The following PDLIM5 variants were observed in gnomAD, a reference collection of about 807,000 sequenced individuals.
PDLIM5 encodes the protein PDZ and LIM domain 5.
In PDLIM5, 34 loss-of-function variants were observed where a neutral mutation model predicts 64.2. The observed-to-expected ratio is 0.53, with a 90% confidence interval of 0.40 to 0.71. The LOEUF (loss-of-function observed/expected upper bound fraction) is 0.71. Among genes scored for constraint, PDLIM5 ranks in the 30% least tolerant of loss-of-function variants. PDLIM5 has a pLI of 0.00. For missense variants in PDLIM5, 683 were observed against 733.6 expected (o/e 0.93, Z 0.80); for synonymous variants, 253 against 269.1 (o/e 0.94, Z 0.59).
In PDLIM5 at chr4:94,666,738, A is replaced by G. The variant is rs1348986744; in HGVS notation, c.*2671A>G. 2 of 152,204 alleles carry G rather than the reference A, an allele frequency of 1.3e-5. No homozygotes were observed. Among genetic ancestry groups the G allele is most frequent in the African/African-American group, 4.8e-5 (2 of 41,444 alleles). 9.4% of individuals were successfully genotyped at this position (152,204 alleles called of 1,614,324 possible). A position where few individuals can be genotyped will look rare whatever the true frequency, so the allele number is the denominator to read the frequency against. ...CATTTTCATCAGACCTTCTTTCTAC[A>G]TATTATTCATGAAGCATAATGTTGC... On this transcript the variant is annotated 3_prime_UTR_variant, in exon 13 of 13. Coordinates refer to ENST00000317968, the MANE Select transcript of PDLIM5 (RefSeq NM_006457.5).
At chr4:94,513,367 G>C (rs1257501786) in intron 2 of PDLIM5, among the ~76,000 whole-genome samples, 1 of 152,278 alleles carries the variant, frequency 6.6e-6, no homozygotes, top group African/African-American at 2.4e-5. Flanking sequence ...CCATGAACAT[G>C]GAATATCTTT....
chr4:94,458,326 C>T (rs1413922354), intron 2 of PDLIM5, among the ~76,000 whole-genome samples: 2 of 152,212 alleles, frequency 1.3e-5, no homozygotes, highest in East Asian at 3.9e-4. Flanking sequence ...TAATGATTCA[C>T]TTACTTTAAT....
intron 6 of PDLIM5, among the ~76,000 whole-genome samples, chr4:94,585,980 G>A (rs1033352712): frequency 6.6e-6 from 1 of 152,096 alleles, no homozygotes; most frequent in African/African-American, 2.4e-5. Flanking sequence ...GACCAGACTA[G>A]CCAACATGGT....
chr4:94,665,971 C>A lies in PDLIM5; in HGVS notation c.*1904C>A. 1 of 1,529,002 alleles carries A rather than the reference C, an allele frequency of 6.5e-7. No homozygotes were observed. Among genetic ancestry groups the A allele is most frequent in the Non-Finnish European group, 8.8e-7 (1 of 1,142,492 alleles). The allele number at this position is 1,529,002 out of a possible 1,614,324, so 94.7% of individuals were successfully genotyped here. A position where few individuals can be genotyped will look rare whatever the true frequency, so the allele number is the denominator to read the frequency against. ...AAACTGTGGATCCTGTTGCTATTTG[C>A]CCAGTGAGAAAACAGATTCTGGTAT... On this transcript the variant is annotated 3_prime_UTR_variant, in exon 13 of 13. Transcript: ENST00000317968.
intron 2 of PDLIM5, among the ~76,000 whole-genome samples, chr4:94,510,601 T>C (rs1031375310): frequency 1.3e-5 from 2 of 152,236 alleles, no homozygotes; most frequent in South Asian, 2.1e-4. Context: ...CTAATTTTGT[T>C]GCTGTTTTAA....
At chr4:94,562,056 G>A (rs1280351709) in intron 3 of PDLIM5, among the ~76,000 whole-genome samples, 6 of 152,152 alleles carry the variant, frequency 3.9e-5, no homozygotes, top group East Asian at 1.9e-4. Flanking sequence ...ATATCATTGC[G>A]TGCAGAATTT....
intron 7 of PDLIM5, among the ~76,000 whole-genome samples, chr4:94,607,514 A>G (rs1738022532): frequency 6.6e-6 from 1 of 152,210 alleles, no homozygotes; most frequent in African/African-American, 2.4e-5. Context: ...AGCAGATAAA[A>G]TAGTTTGTTT....
At chr4:94,632,145 T>C (rs1289950838) in intron 8 of PDLIM5, among the ~76,000 whole-genome samples, 1 of 152,220 alleles carries the variant, frequency 6.6e-6, no homozygotes, top group Non-Finnish European at 1.5e-5. Flanking sequence ...CACTATAATA[T>C]AATTGACTGT....
chr4:94,560,970 G>A (rs902666516), intron 3 of PDLIM5, among the ~76,000 whole-genome samples: 8 of 152,094 alleles, frequency 5.3e-5, no homozygotes, highest in East Asian at 1.9e-4. Context: ...CTCATGATCC[G>A]CCCGCCTCGG....
intron 2 of PDLIM5, chr4:94,455,966 A>C: frequency 2.7e-6 from 4 of 1,496,874 alleles, no homozygotes; most frequent in Non-Finnish European, 3.6e-6. Context: ...TTTAGTTTGA[A>C]TGTATTCTGT....
At chr4:94,505,357 C>T (rs1056533297) in intron 2 of PDLIM5, among the ~76,000 whole-genome samples, 4 of 152,114 alleles carry the variant, frequency 2.6e-5, no homozygotes, top group Admixed American at 6.5e-5. Context: ...CTCCTGGGTT[C>T]AAGCGATTCT....
chr4:94,659,479 A>AGTGT (rs1368760045), intron 11 of PDLIM5, among the ~76,000 whole-genome samples: 2 of 135,848 alleles, frequency 1.5e-5, no homozygotes, highest in African/African-American at 6.0e-5. Flanking sequence ...GAGCAGCTGT[A>AGTGT]GTATATATGT....
In PDLIM5 at chr4:94,664,250, G is replaced by A. The variant is rs917993231; in HGVS notation, c.*183G>A. On this transcript the variant is annotated 3_prime_UTR_variant, in exon 13 of 13. Transcript: ENST00000317968. Reference sequence around the variant, plus strand: ...ATTTGGCTTCATAAAGTAAAGAGACGGTTTGGCATTTATTATTACTTTTTC... The same window carrying A: ...ATTTGGCTTCATAAAGTAAAGAGACAGTTTGGCATTTATTATTACTTTTTC... 17 of 1,093,866 alleles carry A rather than the reference G, an allele frequency of 1.6e-5. No homozygotes were observed. The highest frequency in any genetic ancestry group is 4.4e-5 in the Admixed American group (1 of 22,922). 67.8% of individuals were successfully genotyped at this position (1,093,866 alleles called of 1,614,324 possible).
At chr4:94,522,533 G>A (rs756295719) in intron 2 of PDLIM5, among the ~76,000 whole-genome samples, 3 of 151,950 alleles carry the variant, frequency 2.0e-5, no homozygotes, top group Admixed American at 6.6e-5. Flanking sequence ...GCACCACCAC[G>A]CCCGGCTGAT....
At chr4:94,548,082 A>G (rs1221344884) in intron 3 of PDLIM5, among the ~76,000 whole-genome samples, 7 of 152,160 alleles carry the variant, frequency 4.6e-5, no homozygotes, top group Admixed American at 4.6e-4. Context: ...TGCTTTTATG[A>G]CACTTTTAAT....
At chr4:94,605,837 TCAACTTCTCCAACTCACTCC>T (rs1737870326) in intron 7 of PDLIM5, among the ~76,000 whole-genome samples, 1 of 151,930 alleles carries the variant, frequency 6.6e-6, no homozygotes, top group Admixed American at 6.6e-5. Context: ...GTTGGAAGAC[TCAACTTCTCCAACTCACTCC>T]CTTTTCTTTT....
intron 5 of PDLIM5, chr4:94,577,060 G>T: frequency 2.6e-6 from 1 of 377,876 alleles, no homozygotes; most frequent in South Asian, 2.1e-5. Flanking sequence ...GAATAATGAT[G>T]GTCATTTTAT....
intron 3 of PDLIM5, among the ~76,000 whole-genome samples, chr4:94,546,501 C>G (rs971520152): frequency 2.6e-5 from 4 of 152,068 alleles, no homozygotes; most frequent in African/African-American, 9.7e-5. Context: ...ATTAGGAAAT[C>G]TTTGGAATTT....
chr4:94,569,500 A>G (rs529217538), intron 3 of PDLIM5, among the ~76,000 whole-genome samples: 1 of 152,088 alleles, frequency 6.6e-6, no homozygotes, highest in African/African-American at 2.4e-5. Context: ...TTGTATGTTT[A>G]GTAGAGATGG....
Sources: allele counts gnomAD v4.1 joint callset (sites outside exome capture counted in the v4.1 genomes callset), GRCh38; gene constraint gnomAD v4.1.1; transcripts MANE v1.5; gene names NCBI Gene and HGNC (gene_info 2026-07-23, HGNC 2026-07-21).